Variants in ECT2L observed in about 807,000 individuals in gnomAD.
ECT2L encodes the protein epithelial cell-transforming sequence 2 oncogene-like.
Under a neutral mutation model 122.8 loss-of-function variants are expected in ECT2L, and 126 were observed. The ratio of observed to expected loss-of-function variants is 1.03; its 90% CI spans 0.89 to 1.19. The LOEUF (loss-of-function observed/expected upper bound fraction) is 1.19. ECT2L is among the 50% of genes most tolerant of loss of function. ECT2L has a pLI of 0.00. For missense variants in ECT2L, 1,012 were observed against 1,064.1 expected (o/e 0.95, Z 0.68); for synonymous variants, 385 against 381.8 (o/e 1.01, Z -0.10).
At chr6:138,901,206 C>A in intron 21 of ECT2L, 86 bp downstream of exon 21, 1 of 1,356,106 alleles carries the variant, frequency 7.4e-7, no homozygotes, top group Non-Finnish European at 1.0e-6. Flanking sequence ...AGAAAAAGGA[C>A]TGGAATTATA....
chr6:138,885,380 A>T, intron 16 of ECT2L, 126 bp from the exon 17 acceptor site: 1 of 819,394 alleles, frequency 1.2e-6, no homozygotes, highest in Non-Finnish European at 2.0e-6. Flanking sequence ...CTAACAGTCT[A>T]CTAATTGGTT....
intron 4 of ECT2L, among the ~76,000 whole-genome samples, chr6:138,825,733 A>AT (rs1377988249): frequency 1.3e-5 from 2 of 152,052 alleles, no homozygotes; most frequent in Non-Finnish European, 2.9e-5. Context: ...ATTAGCCAGA[A>AT]TTTTTTTTCT....
chr6:138,847,942 G>A lies in ECT2L; in HGVS notation c.903+1265G>A, dbSNP rs73557267. Among the ~76,000 whole-genome samples, 564 of 152,244 alleles carry A rather than the reference G, an allele frequency of 3.7e-3. 6 individuals carry two copies. Among genetic ancestry groups the A allele is most frequent in the African/African-American group, 0.013 (532 of 41,532 alleles). On this transcript the variant is annotated intron_variant, in intron 8 of 21. Coordinates refer to ENST00000541398, the MANE Select transcript of ECT2L (RefSeq NM_001077706.3). Reference sequence around the variant, plus strand: ...AACTCACAGTTTCACGTGGCAAGGAGGCCTCAGGAAACTTACAGTCATGGC... The same window carrying A: ...AACTCACAGTTTCACGTGGCAAGGAAGCCTCAGGAAACTTACAGTCATGGC...
At chr6:138,887,681 T>A (rs1168190288) in intron 19 of ECT2L, among the ~76,000 whole-genome samples, 1 of 152,232 alleles carries the variant, frequency 6.6e-6, no homozygotes, top group Admixed American at 6.5e-5. Context: ...ACAGTTTTCC[T>A]GACTTCCTTA....
In ECT2L at chr6:138,843,067, A is replaced by G. The variant is rs765905067; in HGVS notation, c.431A>G (p.His144Arg). The G allele has an allele frequency of 3.3e-5, 53 of 1,613,798 alleles. No individual in the cohort carries two copies. The highest frequency in any genetic ancestry group is 4.4e-5 in the Non-Finnish European group (52 of 1,179,862). Residue 144 changes from histidine (H) to arginine (R), a missense_variant, in exon 6 of 22, where the codon CAT (histidine) becomes CGT (arginine). By Grantham distance (29) the His-to-Arg change is conservative. Transcript: ENST00000541398. ...AATGAGTATGGTGCTTGGAAGCGCC[A>G]TTACATTGCTTGTGTGTCCCACTTA... The part of the protein sequence containing the change: ...TDNEYGAWKR[H>R]YIACVSHLDW...
At chr6:138,862,833 T>C in intron 11 of ECT2L, 114 bp downstream of exon 11, 1 of 780,066 alleles carries the variant, frequency 1.3e-6, no homozygotes, top group South Asian at 1.8e-5. Flanking sequence ...TTACTCTCTT[T>C]CATTCCTCCC....
intron 4 of ECT2L, among the ~76,000 whole-genome samples, chr6:138,816,650 A>C (rs1776077338): frequency 6.6e-6 from 1 of 151,882 alleles, no homozygotes; most frequent in African/African-American, 2.4e-5. Context: ...ACGCCCAGCT[A>C]CTTTTTTTGT....
intron 12 of ECT2L, 77 bp downstream of exon 12, chr6:138,865,255 A>G: frequency 7.2e-7 from 1 of 1,397,836 alleles, no homozygotes; most frequent in South Asian, 1.6e-5. Flanking sequence ...AAGTTTAGTT[A>G]TGGCGCAAGT....
chr6:138,891,347 T>G (rs1236156346), intron 20 of ECT2L, among the ~76,000 whole-genome samples: 1 of 152,226 alleles, frequency 6.6e-6, no homozygotes, highest in African/African-American at 2.4e-5. Context: ...GAGAATCTCC[T>G]CTTTCCAGGT....
Position 138,843,131 on chromosome 6 carries a change from G to A in ECT2L, c.495G>A (p.Gly165=). Residue 165 remains glycine (G), a synonymous_variant, in exon 6 of 22, where the codon GGG becomes GGA. Transcript: ENST00000541398. ...LTPREAAATY[G]TLNEPKTEDE... is the part of the protein sequence containing the mutation. ...CTAGGGAGGCTGCTGCTACTTATGGGACGCTGAATGAACCCAAAACAGAAG... is the reference window on the plus strand; with the variant it reads ...CTAGGGAGGCTGCTGCTACTTATGGAACGCTGAATGAACCCAAAACAGAAG... 6.2e-7 allele frequency: 1 copy of A among 1,614,126 alleles called. No homozygotes were observed. Among genetic ancestry groups the A allele is most frequent in the Non-Finnish European group, 8.5e-7 (1 of 1,179,968 alleles).
At chr6:138,833,447 T>G (rs1256379251) in intron 4 of ECT2L, among the ~76,000 whole-genome samples, 1 of 152,222 alleles carries the variant, frequency 6.6e-6, no homozygotes, top group African/African-American at 2.4e-5. Flanking sequence ...AAAGCACATT[T>G]GTACGGCCAT....
chr6:138,857,972 A>G (rs991766788), intron 10 of ECT2L, among the ~76,000 whole-genome samples: 5 of 152,176 alleles, frequency 3.3e-5, no homozygotes, highest in African/African-American at 7.2e-5. Flanking sequence ...AACTGAGGAA[A>G]AGAGGAAGCC....
At chr6:138,885,882 T>G in intron 18 of ECT2L, 52 bp downstream of exon 18, 1 of 1,549,842 alleles carries the variant, frequency 6.5e-7, no homozygotes, top group Non-Finnish European at 8.8e-7. Flanking sequence ...AATGCCTTTG[T>G]GGTACTCCCA....
intron 20 of ECT2L, among the ~76,000 whole-genome samples, chr6:138,894,302 G>A (rs1222309978): frequency 1.2e-4 from 19 of 152,030 alleles, no homozygotes; most frequent in Non-Finnish European, 2.2e-4. Context: ...TGACCCACCC[G>A]CCTCAGCCTC....
chr6:138,892,233 C>A (rs1487903728), intron 20 of ECT2L, among the ~76,000 whole-genome samples: 2 of 152,096 alleles, frequency 1.3e-5, no homozygotes, highest in Non-Finnish European at 2.9e-5. Context: ...TCAGCTGTGT[C>A]CAGTGTATTA....
intron 1 of ECT2L, among the ~76,000 whole-genome samples, chr6:138,801,010 G>C (rs944195525): frequency 3.0e-4 from 46 of 152,258 alleles, no homozygotes; most frequent in African/African-American, 1.1e-3. Context: ...GGTGAATGCT[G>C]TGTGAAGCCT....
At chr6:138,844,271 C>T (rs764525938) in intron 6 of ECT2L, 141 bp from the exon 7 acceptor site, 17 of 918,180 alleles carry the variant, frequency 1.9e-5, no homozygotes, top group East Asian at 2.6e-5. Flanking sequence ...AAATCCAAAC[C>T]GAGTGCATGA....
chr6:138,828,211 C>T (rs1562461278), intron 4 of ECT2L, among the ~76,000 whole-genome samples: 1 of 152,118 alleles, frequency 6.6e-6, no homozygotes, highest in African/African-American at 2.4e-5. Context: ...AATGTTTAGT[C>T]AGTAATCAAT....
intron 4 of ECT2L, among the ~76,000 whole-genome samples, chr6:138,817,928 G>T (rs1776125116): frequency 6.6e-6 from 1 of 152,084 alleles, no homozygotes; most frequent in Admixed American, 6.5e-5. Context: ...CCTACCACTT[G>T]ACTAGGTTGA....
Sources: allele counts gnomAD v4.1 joint callset (sites outside exome capture counted in the v4.1 genomes callset), GRCh38; gene constraint gnomAD v4.1.1; transcripts MANE v1.5; gene names NCBI Gene and HGNC (gene_info 2026-07-23, HGNC 2026-07-21).